The following ATG10 variants were observed in gnomAD, a reference collection of about 807,000 sequenced individuals.
ATG10 encodes the protein autophagy related 10.
In ATG10, 30 loss-of-function variants were observed where a neutral mutation model predicts 32.1. That is an observed-to-expected ratio of 0.94 (90% confidence interval 0.70 to 1.27). ATG10 has a LOEUF of 1.27. ATG10 is among the 50% of genes most tolerant of loss of function. The probability of loss-of-function intolerance (pLI) is 0.00; values close to 1 mark genes in which losing one functional copy is unlikely to be tolerated. For synonymous variants in ATG10, 87 were observed against 91.5 expected, an observed-to-expected ratio of 0.95 and a Z score of 0.28; for missense variants, 233 against 262.3, an observed-to-expected ratio of 0.89 and a Z score of 0.77.
chr5:82,081,678 T>C (rs2149782376), intron 3 of ATG10, among the ~76,000 whole-genome samples: 1 of 152,364 alleles, frequency 6.6e-6, no homozygotes, highest in East Asian at 1.9e-4. Flanking sequence ...TTGCGTATGT[T>C]GAACCAGCCT....
chr5:82,121,473 T>G (rs1766035940), intron 3 of ATG10, among the ~76,000 whole-genome samples: 1 of 152,194 alleles, frequency 6.6e-6, no homozygotes, highest in Non-Finnish European at 1.5e-5. Flanking sequence ...GCCTGATTGC[T>G]CTGGCTATGA....
intron 3 of ATG10, among the ~76,000 whole-genome samples, chr5:82,158,213 A>G (rs1408769310): frequency 6.6e-6 from 1 of 152,210 alleles, no homozygotes; most frequent in Non-Finnish European, 1.5e-5. Context: ...AATGTGAACC[A>G]TTTAATCTTT....
chr5:81,987,479 T>G, intron 1 of ATG10, 80 bp from the exon 2 acceptor site: 1 of 1,131,864 alleles, frequency 8.8e-7, no homozygotes, highest in East Asian at 2.7e-5. Flanking sequence ...TTTGGTTTAT[T>G]GACAGAAATA....
At chr5:82,016,721 C>T (rs538879136) in intron 2 of ATG10, among the ~76,000 whole-genome samples, 28 of 150,224 alleles carry the variant, frequency 1.9e-4, no homozygotes, top group Middle Eastern at 3.4e-3. Context: ...TGGAGTCTTG[C>T]TCTGTTGCCC....
At chr5:82,081,201 T>C (rs1325307193) in intron 3 of ATG10, among the ~76,000 whole-genome samples, 2 of 152,250 alleles carry the variant, frequency 1.3e-5, no homozygotes, top group South Asian at 2.1e-4. Flanking sequence ...TTTTTGCACA[T>C]TGATTTTGTA....
At chr5:82,131,679 T>C (rs1766543029) in intron 3 of ATG10, among the ~76,000 whole-genome samples, 2 of 151,826 alleles carry the variant, frequency 1.3e-5, no homozygotes, top group Non-Finnish European at 2.9e-5. Context: ...CCCTGTGATC[T>C]AGGGTGAGAT....
chr5:82,067,643 G>A (rs1198458312), intron 3 of ATG10, among the ~76,000 whole-genome samples: 1 of 152,068 alleles, frequency 6.6e-6, no homozygotes, highest in Non-Finnish European at 1.5e-5. Context: ...TAACCTAAAT[G>A]GCTTCTTAAG....
chr5:82,020,499 TAAAAC>T (rs1762405773), intron 2 of ATG10, among the ~76,000 whole-genome samples: 1 of 152,202 alleles, frequency 6.6e-6, no homozygotes, highest in South Asian at 2.1e-4. Context: ...CGTAGTGACT[TAAAAC>T]AACCATTTAT....
chr5:82,117,256 A>C (rs572434078), intron 3 of ATG10, among the ~76,000 whole-genome samples: 1 of 152,262 alleles, frequency 6.6e-6, no homozygotes, highest in Admixed American at 6.6e-5. Flanking sequence ...TTATGGAGCA[A>C]AGAATTAGGA....
At chr5:82,041,052 G>T (rs1372327216) in intron 2 of ATG10, among the ~76,000 whole-genome samples, 1 of 152,164 alleles carries the variant, frequency 6.6e-6, no homozygotes, top group Non-Finnish European at 1.5e-5. Context: ...TGAAAAGACT[G>T]CTTTCTATAC....
chr5:81,990,736 G>A (rs1282229343), intron 2 of ATG10, among the ~76,000 whole-genome samples: 6 of 152,152 alleles, frequency 3.9e-5, no homozygotes, highest in Non-Finnish European at 8.8e-5. Context: ...CAATAAATGG[G>A]TCAGGCTTCC....
intron 3 of ATG10, among the ~76,000 whole-genome samples, chr5:82,072,007 A>C (rs939659699): frequency 1.3e-5 from 2 of 152,128 alleles, no homozygotes; most frequent in Admixed American, 1.3e-4. Context: ...AGTTAGGCAG[A>C]AGTAAGACTG....
chr5:82,077,572 T>A (rs72776854), intron 3 of ATG10, among the ~76,000 whole-genome samples: 12,408 of 138,348 alleles, frequency 0.09, 765 homozygotes, highest in African/African-American at 0.19. Flanking sequence ...GATTAAAAAA[T>A]TTTTTTTTTT....
chr5:82,016,982 G>T (rs1485654972), intron 2 of ATG10, among the ~76,000 whole-genome samples: 3 of 152,088 alleles, frequency 2.0e-5, no homozygotes, highest in African/African-American at 7.2e-5. Context: ...GAGCCACTGC[G>T]CCCAGCCCCA....
chr5:82,164,040 G>C (rs1743476578), intron 3 of ATG10, among the ~76,000 whole-genome samples: 1 of 152,154 alleles, frequency 6.6e-6, no homozygotes. Context: ...GATGTTTTTA[G>C]CTTTCACAGG....
chr5:82,049,788 G>C (rs189645037), intron 2 of ATG10, among the ~76,000 whole-genome samples: 16 of 152,174 alleles, frequency 1.1e-4, no homozygotes, highest in African/African-American at 3.4e-4. Context: ...ACAAAAATTA[G>C]TTTAACACTT....
At chr5:82,087,349 T>C (rs1479438587) in intron 3 of ATG10, among the ~76,000 whole-genome samples, 1 of 152,128 alleles carries the variant, frequency 6.6e-6, no homozygotes, top group Non-Finnish European at 1.5e-5. Context: ...AAAAGTGCTA[T>C]GTAATAATGG....
At chr5:82,210,040 C>T (rs2149977204) in intron 5 of ATG10, among the ~76,000 whole-genome samples, 1 of 152,106 alleles carries the variant, frequency 6.6e-6, no homozygotes, top group East Asian at 1.9e-4. Flanking sequence ...ATTCCACTTC[C>T]TTACCAAAAT....
intron 4 of ATG10, 33 bp from the exon 5 acceptor site, chr5:82,178,457 T>G (rs771303580): frequency 1.5e-6 from 2 of 1,303,324 alleles, no homozygotes; most frequent in Non-Finnish European, 2.2e-6. Context: ...TCACATGAAT[T>G]ACTAACTCAG....
Sources: gnomAD v4.1 joint callset for allele counts (sites outside exome capture counted in the v4.1 genomes callset) on GRCh38, gnomAD v4.1.1 for gene constraint, MANE v1.5 for transcripts, NCBI Gene and HGNC (gene_info 2026-07-23, HGNC 2026-07-21) for gene names.